NALCN: variants seen among roughly 807,000 people sequenced by gnomAD.
NALCN encodes sodium leak channel, non-selective.
In NALCN, 111 loss-of-function variants were observed where a neutral mutation model predicts 225.3. The observed-to-expected ratio is 0.49, with a 90% confidence interval of 0.42 to 0.58. The LOEUF is 0.58. Among genes scored for constraint, NALCN ranks in the 20% least tolerant of loss-of-function variants. The probability of loss-of-function intolerance (pLI) is 0.00; values close to 1 mark genes in which losing one functional copy is unlikely to be tolerated. For missense variants in NALCN, 1,378 were observed against 2,202.4 expected, an observed-to-expected ratio of 0.63 and a Z score of 7.49; for synonymous variants, 764 against 769.0, an observed-to-expected ratio of 0.99 and a Z score of 0.11.
chr13:101,097,869 C>G (rs548882230), intron 27 of NALCN, among the ~76,000 whole-genome samples: 2 of 152,324 alleles, frequency 1.3e-5, no homozygotes, highest in East Asian at 3.9e-4. Context: ...GAAATTAACA[C>G]TCACTGTTGA....
chr13:101,400,550 T>TGTGGG (rs200015475), intron 1 of NALCN, among the ~76,000 whole-genome samples: 1 of 107,574 alleles, frequency 9.3e-6, no homozygotes, highest in Non-Finnish European at 1.8e-5. Flanking sequence ...TTGCAGTGTG[T>TGTGGG]GTGTGTGTGT....
rs1594218876 is a variant in NALCN at position 101,107,723 on chromosome 13, T to A, written c.2431A>T (p.Lys811Ter). 6.2e-7 allele frequency: 1 copy of A among 1,613,934 alleles called. No homozygotes were observed. The highest frequency in any genetic ancestry group is 8.5e-7 in the Non-Finnish European group (1 of 1,179,942). ...CTTTTCATCTCTGCTTGCTCCTTTT[T>A]TTCCTGAATCATCTTTATTTCACTG... ...EDSEIKMIQE[K>*]KEQAEMKRKV... Residue 811 changes from lysine to a stop codon, truncating the protein, a stop_gained, in exon 21 of 44, where the codon AAA (lysine) becomes TAA (stop). Coordinates refer to ENST00000251127, the MANE Select transcript of NALCN (RefSeq NM_052867.4). LOFTEE classifies it high-confidence loss of function.
At chr13:101,336,663 C>A (rs1024875850) in intron 7 of NALCN, among the ~76,000 whole-genome samples, 2 of 151,904 alleles carry the variant, frequency 1.3e-5, no homozygotes, top group African/African-American at 4.8e-5. Context: ...ATAATTTTTT[C>A]GTAAAGAAAA....
chr13:101,403,010 C>A (rs1202850504), intron 1 of NALCN, among the ~76,000 whole-genome samples: 3 of 152,116 alleles, frequency 2.0e-5, no homozygotes, highest in Non-Finnish European at 4.4e-5. Context: ...CTAGGTAGGC[C>A]ATGGGCCCTC....
chr13:101,203,963 A>G (rs2040222687), intron 13 of NALCN, among the ~76,000 whole-genome samples: 1 of 152,202 alleles, frequency 6.6e-6, no homozygotes, highest in Non-Finnish European at 1.5e-5. Flanking sequence ...GACTGAAAAT[A>G]AGGAGGCAGG....
At chr13:101,389,546 A>G (rs994435345) in intron 3 of NALCN, among the ~76,000 whole-genome samples, 6 of 152,186 alleles carry the variant, frequency 3.9e-5, no homozygotes, top group Admixed American at 3.9e-4. Flanking sequence ...GAAATATTCG[A>G]TAATTGGGCC....
intron 35 of NALCN, 152 bp from the exon 36 acceptor site, chr13:101,074,814 T>C (rs2033149188): frequency 3.4e-6 from 3 of 893,382 alleles, no homozygotes; most frequent in Non-Finnish European, 3.2e-6. Context: ...TCAAAATCAC[T>C]CTTAGGTGTA....
intron 3 of NALCN, among the ~76,000 whole-genome samples, chr13:101,391,468 A>G (rs1408485589): frequency 6.7e-6 from 1 of 148,226 alleles, no homozygotes; most frequent in Admixed American, 6.7e-5. Context: ...GGATCGCTTG[A>G]GTCTGGGAGT....
chr13:101,161,574 T>G (rs1345691172), intron 15 of NALCN, among the ~76,000 whole-genome samples: 2 of 152,170 alleles, frequency 1.3e-5, no homozygotes, highest in Non-Finnish European at 2.9e-5. Context: ...AAGGTAAACA[T>G]TAAAGGTAAA....
intron 6 of NALCN, among the ~76,000 whole-genome samples, chr13:101,360,121 CTTTCTTT>C (rs2046194447): frequency 7.2e-6 from 1 of 137,964 alleles, no homozygotes; most frequent in African/African-American, 2.8e-5. Context: ...TTTTTCTTTC[CTTTCTTT>C]TTTCTTTCTT....
chr13:101,103,665 G>T (rs2034947841), intron 25 of NALCN, among the ~76,000 whole-genome samples: 1 of 152,074 alleles, frequency 6.6e-6, no homozygotes, highest in Non-Finnish European at 1.5e-5. Flanking sequence ...TTTTATCAAG[G>T]TTACTGCTAT....
intron 43 of NALCN, 28 bp from the exon 44 acceptor site, chr13:101,055,516 A>T: frequency 6.3e-7 from 1 of 1,596,022 alleles, no homozygotes; most frequent in South Asian, 1.1e-5. Flanking sequence ...CCTATGAGCC[A>T]CTTGGTATTG....
rs745583302 is a variant in NALCN at position 101,144,930 on chromosome 13, G to GA, written c.1840-35dup. 1.2e-5 allele frequency: 19 copies of GA among 1,593,088 alleles called. No homozygotes were observed. In the South Asian group the frequency reaches 2.2e-4, roughly 18 times the overall value. ...AAATTGGAAAGAAGAAAAAAAGGGG[G>GA]AACCTATAATACTATTATATACGTT... is the stretch of plus-strand genomic sequence containing the variant. On this transcript the variant is annotated intron_variant, in intron 15 of 43. Transcript: ENST00000251127.
chr13:101,317,511 T>C (rs2044592894), intron 7 of NALCN, among the ~76,000 whole-genome samples: 2 of 152,218 alleles, frequency 1.3e-5, no homozygotes, highest in South Asian at 2.1e-4. Flanking sequence ...ATGGTAACCA[T>C]AGGGGATCCC....
intron 14 of NALCN, among the ~76,000 whole-genome samples, chr13:101,186,355 C>T (rs367554848): frequency 9.2e-5 from 14 of 152,320 alleles, no homozygotes; most frequent in African/African-American, 3.4e-4. Context: ...GAATTAAGCT[C>T]TTTCCCACTT....
intron 6 of NALCN, among the ~76,000 whole-genome samples, chr13:101,351,688 C>A (rs2045912666): frequency 1.3e-5 from 2 of 152,136 alleles, no homozygotes; most frequent in Non-Finnish European, 2.9e-5. Flanking sequence ...GAGAAACTTT[C>A]CAGCTGTTTA....
intron 17 of NALCN, among the ~76,000 whole-genome samples, chr13:101,137,727 A>G (rs2036871455): frequency 1.3e-5 from 2 of 152,208 alleles, no homozygotes; most frequent in South Asian, 4.1e-4. Flanking sequence ...TCTGAAGGTT[A>G]AATTTATGTA....
chr13:101,138,526 C>T (rs1036253201), intron 17 of NALCN, among the ~76,000 whole-genome samples: 2 of 152,176 alleles, frequency 1.3e-5, no homozygotes, highest in East Asian at 1.9e-4. Flanking sequence ...TACAGGGGCA[C>T]GAGGTGGAGG....
intron 6 of NALCN, among the ~76,000 whole-genome samples, chr13:101,346,087 C>CTCTCTCTCTCTCTCTCTCTCTCTCTA: frequency 2.4e-4 from 17 of 70,968 alleles, no homozygotes; most frequent in Non-Finnish European, 4.0e-4. Context: ...CTCTCTCTCT[C>CTCTCTCTCTCTCTCTCTCTCTCTCTA]TATATATATA....
Sources: gnomAD v4.1 joint callset for allele counts (sites outside exome capture counted in the v4.1 genomes callset) on GRCh38, gnomAD v4.1.1 for gene constraint, MANE v1.5 for transcripts, NCBI Gene and HGNC (gene_info 2026-07-23, HGNC 2026-07-21) for gene names.